GOPC: variants seen among roughly 807,000 people sequenced by gnomAD.
GOPC encodes the protein golgi associated PDZ and coiled-coil motif containing.
In GOPC, 32 loss-of-function variants were observed where a neutral mutation model predicts 51.2. The observed-to-expected ratio is 0.63, with a 90% CI of 0.47 to 0.84. The LOEUF (loss-of-function observed/expected upper bound fraction) is 0.84, where lower values mean the gene tolerates loss of function less well. Ranked by LOEUF, GOPC falls within the 40% of genes least tolerant of loss-of-function variation. GOPC has a pLI of 0.00. For missense variants in GOPC, 441 were observed against 555.5 expected, an observed-to-expected ratio of 0.79 and a Z score of 2.07; for synonymous variants, 190 against 205.1, an observed-to-expected ratio of 0.93 and a Z score of 0.63.
chr6:117,561,363 T>C lies in GOPC; in HGVS notation c.*1891A>G, dbSNP rs1357107867. On this transcript the variant is annotated 3_prime_UTR_variant, in exon 9 of 9. Transcript: ENST00000368498. ...GGATTCAGTCATAGCAGATAAAGGATGTTCTCTGAAAAAAATGCCATGGCC... is the reference window on the plus strand; with the variant it reads ...GGATTCAGTCATAGCAGATAAAGGACGTTCTCTGAAAAAAATGCCATGGCC... 2 of 224,830 alleles carry C rather than the reference T, an allele frequency of 8.9e-6. No individual in the cohort carries two copies. The highest frequency in any genetic ancestry group is 8.9e-6 in the Non-Finnish European group (1 of 112,838). The allele number at this position is 224,830 out of a possible 1,614,324, so 13.9% of individuals were successfully genotyped here.
At chr6:117,597,424 T>G (rs1780213085) in intron 1 of GOPC, among the ~76,000 whole-genome samples, 2 of 152,210 alleles carry the variant, frequency 1.3e-5, no homozygotes, top group South Asian at 2.1e-4. Context: ...AGTACTACAT[T>G]GAATAGAAGT....
chr6:117,601,418 A>C (rs9401016), intron 1 of GOPC, among the ~76,000 whole-genome samples: 30,029 of 152,088 alleles, frequency 0.2, 3,656 homozygotes, highest in East Asian at 0.41. Context: ...AATTGCAGGG[A>C]GCTCTCTGGA....
intron 1 of GOPC, among the ~76,000 whole-genome samples, chr6:117,589,070 G>A (rs1780075874): frequency 6.6e-6 from 1 of 152,028 alleles, no homozygotes; most frequent in Admixed American, 6.6e-5. Context: ...AACAAATCAC[G>A]CAAAAAAATC....
intron 8 of GOPC, among the ~76,000 whole-genome samples, chr6:117,565,180 C>T (rs376826003): frequency 2.0e-5 from 3 of 152,112 alleles, no homozygotes; most frequent in East Asian, 1.9e-4. Flanking sequence ...CAAAAAAATT[C>T]TAGTTAGAAG....
Position 117,563,276 on chromosome 6 carries a change from A to G in GOPC, c.1367T>C (p.Leu456Pro), listed in dbSNP as rs1779623487. The G allele has an allele frequency of 2.5e-6, 4 of 1,613,070 alleles. No individual in the cohort carries two copies. In the South Asian group the frequency reaches 3.3e-5, roughly 13 times the overall value. ...GASKLDDLHT[L>P]YHKKSY is the part of the protein sequence containing the mutation. Reference sequence around the variant, plus strand: ...AATTTAATAAGATTTTTTATGATACAGAGTGTGCAGATCATCTAATTTTGA... The same window carrying G: ...AATTTAATAAGATTTTTTATGATACGGAGTGTGCAGATCATCTAATTTTGA... Residue 456 changes from leucine to proline, a missense_variant, in exon 9 of 9, where the codon CTG becomes CCG. Coordinates refer to ENST00000368498, the MANE Select transcript of GOPC (RefSeq NM_020399.4).
chr6:117,590,223 A>G (rs1291664190), intron 1 of GOPC, among the ~76,000 whole-genome samples: 3 of 152,214 alleles, frequency 2.0e-5, no homozygotes, highest in Admixed American at 2.0e-4. Context: ...CAATCTGGGG[A>G]CAAAAAGATG....
intron 1 of GOPC, among the ~76,000 whole-genome samples, chr6:117,589,931 A>AT (rs887966325): frequency 7.2e-5 from 11 of 152,112 alleles, no homozygotes; most frequent in African/African-American, 1.9e-4. Context: ...ATCAGTTTCA[A>AT]TTTTTTCCCA....
At chr6:117,566,823 T>C (rs754635148) in intron 8 of GOPC, 31 bp downstream of exon 8, 4 of 1,370,842 alleles carry the variant, frequency 2.9e-6, no homozygotes, top group Middle Eastern at 1.9e-4. Context: ...ATAATGAATA[T>C]GTTAATAATA....
rs1276574296 is a variant in GOPC at position 117,576,257 on chromosome 6, T to C, written c.475-905A>G. ...TTTGATTAAAAATATTTGTTATATA[T>C]ATGACAAACAGATGAAAGATTAGCA... On this transcript the variant is annotated intron_variant, in intron 3 of 8. Coordinates refer to ENST00000368498, the MANE Select transcript of GOPC (RefSeq NM_020399.4). Among the ~76,000 whole-genome samples, 3 of 152,006 alleles carry C rather than the reference T, an allele frequency of 2.0e-5. No individual in the cohort carries two copies. In the East Asian group the frequency reaches 5.8e-4, roughly 29 times the overall value.
intron 1 of GOPC, among the ~76,000 whole-genome samples, chr6:117,583,778 A>G (rs1779993449): frequency 6.6e-6 from 1 of 152,082 alleles, no homozygotes; most frequent in Admixed American, 6.5e-5. Context: ...TATCCCTTCT[A>G]TGAGAACTCA....
chr6:117,564,156 T>G (rs1287991157), intron 8 of GOPC, among the ~76,000 whole-genome samples: 1 of 152,068 alleles, frequency 6.6e-6, no homozygotes, highest in African/African-American at 2.4e-5. Context: ...TTTTAAAAAT[T>G]TTTTTGAAGA....
At chr6:117,572,583 C>G (rs1011602964) in intron 5 of GOPC, among the ~76,000 whole-genome samples, 5 of 151,618 alleles carry the variant, frequency 3.3e-5, no homozygotes. Context: ...CTACCTAAAA[C>G]CCCAACCTCA....
At chr6:117,587,189 C>G (rs1780045147) in intron 1 of GOPC, among the ~76,000 whole-genome samples, 1 of 151,952 alleles carries the variant, frequency 6.6e-6, no homozygotes, top group Non-Finnish European at 1.5e-5. Context: ...TATTTTTTTT[C>G]CATCCAACCA....
rs770459806 is a variant in GOPC, at chr6:117,573,465, A to T, written c.816+2T>A. On this transcript the variant is annotated splice_donor_variant, in intron 5 of 8. Transcript: ENST00000368498. LOFTEE classifies it high-confidence loss of function. ...TGGGAAGCAGCAGCAAAGCAAACAT[A>T]CATGGCCTGGTGGTGCTTGCATTGG... is the stretch of plus-strand genomic sequence containing the variant. 2 of 1,612,020 alleles carry T rather than the reference A, an allele frequency of 1.2e-6. No homozygotes were observed. The highest frequency in any genetic ancestry group is 1.7e-6 in the Non-Finnish European group (2 of 1,178,948).
chr6:117,587,002 T>G (rs1265843366), intron 1 of GOPC, among the ~76,000 whole-genome samples: 1 of 152,208 alleles, frequency 6.6e-6, no homozygotes, highest in Non-Finnish European at 1.5e-5. Context: ...AGAAATCTAA[T>G]GAGTCTTACT....
rs1779621884 is a variant in GOPC, at chr6:117,563,232, C to T, written c.*22G>A. The T allele has an allele frequency of 1.2e-6, 2 of 1,605,826 alleles. No individual in the cohort carries two copies. Among genetic ancestry groups the T allele is most frequent in the East Asian group, 4.5e-5 (2 of 44,810 alleles). On this transcript the variant is annotated 3_prime_UTR_variant, in exon 9 of 9. Coordinates refer to ENST00000368498, the MANE Select transcript of GOPC (RefSeq NM_020399.4). Reference sequence around the variant, plus strand: ...AATTCAGAATAGTCTGATTAACAATCTTGTCTGGAGATATGGTCAATTTAA... The same window carrying T: ...AATTCAGAATAGTCTGATTAACAATTTTGTCTGGAGATATGGTCAATTTAA...
chr6:117,586,575 G>C (rs535770757), intron 1 of GOPC, among the ~76,000 whole-genome samples: 1 of 147,784 alleles, frequency 6.8e-6, no homozygotes, highest in African/African-American at 2.5e-5. Flanking sequence ...CCACCTCCCA[G>C]GTTCACGCCA....
rs372671256 is a variant in GOPC, at chr6:117,595,916, A to C, written c.285+6088T>G. Among the ~76,000 whole-genome samples, 21 of 152,328 alleles carry C rather than the reference A, an allele frequency of 1.4e-4. No homozygotes were observed. In the East Asian group the frequency reaches 1.9e-3, roughly 14 times the overall value. On this transcript the variant is annotated intron_variant, in intron 1 of 8. Transcript: ENST00000368498. Reference sequence around the variant, plus strand: ...CTTCTTTTCCTCTGGGTAAATACCCAGGAGTGGGGTTGCTGGATCAAATGG... The same window carrying C: ...CTTCTTTTCCTCTGGGTAAATACCCCGGAGTGGGGTTGCTGGATCAAATGG...
intron 5 of GOPC, among the ~76,000 whole-genome samples, chr6:117,573,065 A>C (rs1779830551): frequency 6.6e-6 from 1 of 152,252 alleles, no homozygotes; most frequent in Non-Finnish European, 1.5e-5. Flanking sequence ...TTCAGAATCT[A>C]CATTTGGATT....
Sources: gnomAD v4.1 joint callset for allele counts (sites outside exome capture counted in the v4.1 genomes callset) on GRCh38, gnomAD v4.1.1 for gene constraint, MANE v1.5 for transcripts, NCBI Gene and HGNC (gene_info 2026-07-23, HGNC 2026-07-21) for gene names.